BLTP1: variants seen among roughly 807,000 people sequenced by gnomAD.
The protein encoded by BLTP1 is fragile site-associated protein.
At chr4:122,258,596 G>A in the BLTP1 span, 1 of 1,371,620 alleles carries the variant, frequency 7.3e-7, no homozygotes, top group Admixed American at 2.6e-5. Context: ...ATTTGTCAAG[G>A]AATATGAAAG....
At chr4:122,217,198 T>G in the BLTP1 span, among the ~76,000 whole-genome samples, 3 of 152,164 alleles carry the variant, frequency 2.0e-5, no homozygotes, top group Admixed American at 6.5e-5. Flanking sequence ...TCTATTCTGT[T>G]CCATTGGTCT....
At chr4:122,184,742 T>C in the BLTP1 span, 1 of 985,166 alleles carries the variant, frequency 1.0e-6, no homozygotes, top group Non-Finnish European at 1.2e-6. Context: ...GTCTAGAGAC[T>C]CATTAGCATA....
the BLTP1 span, chr4:122,343,861 A>G: frequency 1.4e-6 from 1 of 701,878 alleles, no homozygotes; most frequent in Non-Finnish European, 1.8e-6. Flanking sequence ...TAATCTCTGG[A>G]TATCAGAGAT....
chr4:122,160,169 G>A, the BLTP1 span, among the ~76,000 whole-genome samples: 2 of 152,076 alleles, frequency 1.3e-5, no homozygotes, highest in Admixed American at 6.5e-5. Flanking sequence ...CCACATCTTC[G>A]GGAATCTTAG....
At chr4:122,336,427 C>A in the BLTP1 span, 1 of 986,370 alleles carries the variant, frequency 1.0e-6, no homozygotes, top group South Asian at 2.2e-5. Context: ...TTTCTTAATG[C>A]TATTATACAT....
the BLTP1 span, chr4:122,221,751 A>G: frequency 1.0e-6 from 1 of 970,740 alleles, no homozygotes; most frequent in South Asian, 4.8e-5. Flanking sequence ...GGAGGCAGGT[A>G]TGTGGAGAGG....
At chr4:122,154,412 A>G in the BLTP1 span, 2 of 984,950 alleles carry the variant, frequency 2.0e-6, no homozygotes, top group African/African-American at 1.7e-5. Context: ...TAGTCATTTT[A>G]CTTGACTTTT....
At chr4:122,240,174 C>T in the BLTP1 span, 1 of 1,614,082 alleles carries the variant, frequency 6.2e-7, no homozygotes, top group Non-Finnish European at 8.5e-7. Context: ...TCCGCAACAA[C>T]CCGTGATGAA....
At chr4:122,216,079 T>TTGTCTGTC in the BLTP1 span, among the ~76,000 whole-genome samples, 968 of 141,324 alleles carry the variant, frequency 6.8e-3, 19 homozygotes, top group African/African-American at 0.025. Flanking sequence ...GTATCTATCT[T>TTGTCTGTC]TGTCTGTCTA....
At chr4:122,236,586 A>G in the BLTP1 span, among the ~76,000 whole-genome samples, 1 of 152,306 alleles carries the variant, frequency 6.6e-6, no homozygotes, top group Non-Finnish European at 1.5e-5. Context: ...AAATAGAATC[A>G]GGGCCATTGA....
At chr4:122,211,946 A>G in the BLTP1 span, 1 of 251,112 alleles carries the variant, frequency 4.0e-6, no homozygotes, top group Non-Finnish European at 6.3e-6. Context: ...CTGTGATTAG[A>G]GGAGTTATCC....
chr4:122,231,322 G>C, the BLTP1 span, among the ~76,000 whole-genome samples: 2 of 152,282 alleles, frequency 1.3e-5, no homozygotes, highest in Non-Finnish European at 2.9e-5. Context: ...AGTGTTTTCT[G>C]ATAAGTGAAA....
chr4:122,334,042 T>TA, the BLTP1 span, among the ~76,000 whole-genome samples: 2 of 152,108 alleles, frequency 1.3e-5, no homozygotes, highest in Admixed American at 1.3e-4. Flanking sequence ...AATAAATTGA[T>TA]ATTCGTAACA....
At chr4:122,254,296 T>C in the BLTP1 span, 5 of 1,613,638 alleles carry the variant, frequency 3.1e-6, no homozygotes, top group South Asian at 5.5e-5. Context: ...AAATTTGGTT[T>C]AGTTTTGCAG....
the BLTP1 span, chr4:122,152,507 C>G: frequency 4.4e-5 from 43 of 985,826 alleles, no homozygotes; most frequent in Middle Eastern, 1.6e-3. Context: ...CCGTCGCCGC[C>G]CCTGCCGCCG....
chr4:122,266,699 T>G, the BLTP1 span: 1 of 1,276,576 alleles, frequency 7.8e-7, no homozygotes, highest in Non-Finnish European at 1.1e-6. Context: ...GGGTAAGAAA[T>G]AAAAGCTGCA....
chr4:122,234,675 A>G, the BLTP1 span: 1 of 1,259,258 alleles, frequency 7.9e-7, no homozygotes, highest in Non-Finnish European at 1.1e-6. Flanking sequence ...AAAAATATTT[A>G]CAATTAACTT....
the BLTP1 span, chr4:122,347,107 A>G: frequency 1.0e-6 from 1 of 983,296 alleles, no homozygotes; most frequent in East Asian, 1.1e-4. Context: ...TTAAATATCC[A>G]AGTTAATCAT....
chr4:122,194,206 G>A, the BLTP1 span, among the ~76,000 whole-genome samples: 4 of 152,090 alleles, frequency 2.6e-5, no homozygotes, highest in South Asian at 2.1e-4. Flanking sequence ...ATAATATACC[G>A]AACAGTATAT....
Sources: gnomAD v4.1 joint callset for allele counts (sites outside exome capture counted in the v4.1 genomes callset) on GRCh38, gnomAD v4.1.1 for gene constraint, MANE v1.5 for transcripts, NCBI Gene and HGNC (gene_info 2026-07-23, HGNC 2026-07-21) for gene names.